The following ZNF251 variants were observed in gnomAD, a reference collection of about 807,000 sequenced individuals.
ZNF251 encodes zinc finger protein 251.
ZNF251 carries 14 observed loss-of-function variants against 13.5 expected under a neutral mutation model. The ratio of observed to expected loss-of-function variants is 1.04; its 90% confidence interval spans 0.69 to 1.63. ZNF251 has a LOEUF of 1.63. ZNF251 is among the 40% of genes most tolerant of loss of function. ZNF251 has a pLI of 0.00. For missense variants in ZNF251, 764 were observed against 834.9 expected, an observed-to-expected ratio of 0.92 and a Z score of 1.05; for synonymous variants, 287 against 295.2, an observed-to-expected ratio of 0.97 and a Z score of 0.28.
chr8:144,733,692 G>A (rs933508017), intron 4 of ZNF251, among the ~76,000 whole-genome samples: 9 of 152,184 alleles, frequency 5.9e-5, no homozygotes, highest in South Asian at 2.1e-4. Flanking sequence ...CCAGATCCTC[G>A]CCCTCCATCC....
At position 144,722,454 on chromosome 8, in the gene ZNF251, C is replaced by A; in HGVS notation, c.1206G>T (p.Glu402Asp). The change falls in exon 5 of 5, where the codon GAG (glutamate) becomes GAT (aspartate). Residue 402 changes from glutamate to aspartate, a missense_variant. Physicochemically the swap from Glu to Asp is conservative, Grantham distance 45 (BLOSUM62 2). Coordinates refer to ENST00000292562, the MANE Select transcript of ZNF251 (RefSeq NM_138367.2). This position sits in a 1 kb window ranked among gnomAD's most constrained non-coding sequence, Gnocchi z 4.8. Reference sequence around the variant, plus strand: ...CGCATTCATTACATACATAGGGTTTCTCTCCAGTATGAACCCGATGATGGA... The same window carrying A: ...CGCATTCATTACATACATAGGGTTTATCTCCAGTATGAACCCGATGATGGA... ...LFLHHRVHTG[E>D]KPYVCNECGR... is the part of the protein sequence containing the mutation. 6.2e-7 allele frequency: 1 copy of A among 1,614,076 alleles called. No individual in the cohort carries two copies. The highest frequency in any genetic ancestry group is 1.1e-5 in the South Asian group (1 of 91,086).
intron 4 of ZNF251, among the ~76,000 whole-genome samples, chr8:144,726,194 C>CAAAAA (rs35542133): frequency 3.6e-4 from 19 of 52,160 alleles, no homozygotes; most frequent in South Asian, 1.0e-3. Context: ...GACTCTGTCT[C>CAAAAA]AAAAAAAAAA....
intron 1 of ZNF251, 180 bp from the exon 2 acceptor site, chr8:144,754,983 G>A: frequency 1.4e-6 from 2 of 1,398,652 alleles, no homozygotes; most frequent in African/African-American, 2.9e-5. Context: ...GCCAGAGCCA[G>A]AGCCCGGGGG....
chr8:144,747,520 C>A (rs978117586), intron 4 of ZNF251, among the ~76,000 whole-genome samples: 2 of 152,232 alleles, frequency 1.3e-5, no homozygotes, highest in Non-Finnish European at 2.9e-5. Context: ...CTGGATCTGT[C>A]CATTTACGAT....
chr8:144,734,982 G>A lies in ZNF251; in HGVS notation c.278-11600C>T, dbSNP rs1211160655. Among the ~76,000 whole-genome samples, 9 of 152,068 alleles carry A rather than the reference G, an allele frequency of 5.9e-5. No homozygotes were observed. In the East Asian group the frequency reaches 1.2e-3, roughly 20 times the overall value. ...CCAGCTACTTGGGAGGCTGAGGCAG[G>A]AGAATCACTTGAACCAGGGAGGCAG... On this transcript the variant is annotated intron_variant, in intron 4 of 4. Coordinates refer to ENST00000292562, the MANE Select transcript of ZNF251 (RefSeq NM_138367.2). The surrounding 1 kb of genome is among the most constrained non-coding windows in gnomAD (Gnocchi z 4.4).
chr8:144,724,628 A>G (rs555241610), intron 4 of ZNF251, among the ~76,000 whole-genome samples: 12 of 152,356 alleles, frequency 7.9e-5, no homozygotes, highest in Admixed American at 1.3e-4. Context: ...AATGACTACA[A>G]TGATGCTCGC....
At chr8:144,753,126 C>A (rs112995493) in intron 4 of ZNF251, among the ~76,000 whole-genome samples, 2,981 of 151,084 alleles carry the variant, frequency 0.02, 73 homozygotes, top group African/African-American at 0.064. Flanking sequence ...AAAAAAAAAA[C>A]TAGCCAGGTA....
At chr8:144,744,778 G>A (rs956406716) in intron 4 of ZNF251, among the ~76,000 whole-genome samples, 2 of 152,068 alleles carry the variant, frequency 1.3e-5, no homozygotes, top group African/African-American at 4.8e-5. Context: ...AAATAAGGCC[G>A]GGCGCAGTGG....
chr8:144,732,575 G>A (rs1447686009), intron 4 of ZNF251, among the ~76,000 whole-genome samples: 4 of 152,032 alleles, frequency 2.6e-5, no homozygotes, highest in Non-Finnish European at 5.9e-5. Flanking sequence ...CACTTGGGGA[G>A]GCCAAGGCGG....
At position 144,721,644 on chromosome 8, in the gene ZNF251, T is replaced by C; in HGVS notation, c.2016A>G (p.Ter672=). The C allele has an allele frequency of 7.4e-7, 1 of 1,342,348 alleles. No individual in the cohort carries two copies. Among genetic ancestry groups the C allele is most frequent in the Non-Finnish European group, 9.6e-7 (1 of 1,037,048 alleles). The allele number at this position is 1,342,348 out of a possible 1,614,324, so 83.2% of individuals were successfully genotyped here. The change falls in exon 5 of 5, where the codon TAA becomes TAG. Residue 672 remains the stop codon, a stop_retained_variant. Coordinates refer to ENST00000292562, the MANE Select transcript of ZNF251 (RefSeq NM_138367.2). ...IKKIFQERHF[*] Reference sequence around the variant, plus strand: ...TAAACTGTCTTCTGCATTTATCACATTAAAAATGTCTTTCTTGGAAAATCT... The same window carrying C: ...TAAACTGTCTTCTGCATTTATCACACTAAAAATGTCTTTCTTGGAAAATCT...
chr8:144,724,123 A>C (rs1823449375), intron 4 of ZNF251, among the ~76,000 whole-genome samples: 3 of 152,102 alleles, frequency 2.0e-5, no homozygotes, highest in Admixed American at 1.3e-4. Flanking sequence ...AGGCGCCCGT[A>C]GTCCCAGCTA....
chr8:144,746,201 G>C (rs1228682430), intron 4 of ZNF251, among the ~76,000 whole-genome samples: 2 of 152,190 alleles, frequency 1.3e-5, no homozygotes, highest in Non-Finnish European at 2.9e-5. Flanking sequence ...CATGAATCGA[G>C]GTTGGATTTT....
chr8:144,746,361 T>C (rs1237063962), intron 4 of ZNF251, among the ~76,000 whole-genome samples: 1 of 152,228 alleles, frequency 6.6e-6, no homozygotes, highest in Non-Finnish European at 1.5e-5. Context: ...GGTATATAAT[T>C]CTTTTTATAC....
At chr8:144,729,045 G>GC (rs1194111342) in intron 4 of ZNF251, among the ~76,000 whole-genome samples, 1 of 138,386 alleles carries the variant, frequency 7.2e-6, no homozygotes, top group African/African-American at 2.7e-5. Context: ...CTGAGATCGC[G>GC]CCATTGCACT....
rs183109025 is a variant in ZNF251, at chr8:144,730,003, G to A, written c.278-6621C>T. The stretch of plus-strand genomic sequence containing the variant: ...GCTGAGCCCACCCAGGGCTGGCGTT[G>A]TTCCCAGGAGCGGGTGCCCTCACCC... On this transcript the variant is annotated intron_variant, in intron 4 of 4. Transcript: ENST00000292562. 835 of 981,896 alleles carry A rather than the reference G, an allele frequency of 8.5e-4. 5 individuals are homozygous for A. In the African/African-American group the frequency reaches 0.013, roughly 15 times the overall value. 60.8% of individuals were successfully genotyped at this position (981,896 alleles called of 1,614,324 possible).
rs1823390374 is a variant in ZNF251 at position 144,722,239 on chromosome 8, G to A, written c.1421C>T (p.Ser474Phe). ...VECGKAFSQS[S>F]QLTLHQRVHT... ...AACTCGCTGATGTAGGGTGAGCTGGGAGCTCTGGCTGAAAGCTTTCCCACA... is the reference window on the plus strand; with the variant it reads ...AACTCGCTGATGTAGGGTGAGCTGGAAGCTCTGGCTGAAAGCTTTCCCACA... The change falls in exon 5 of 5, where the codon TCC becomes TTC. Residue 474 changes from serine to phenylalanine, a missense_variant. Coordinates refer to ENST00000292562, the MANE Select transcript of ZNF251 (RefSeq NM_138367.2). This position sits in a 1 kb window ranked among gnomAD's most constrained non-coding sequence, Gnocchi z 4.8. 1 of 1,614,016 alleles carries A rather than the reference G, an allele frequency of 6.2e-7. No individual in the cohort carries two copies. The highest frequency in any genetic ancestry group is 1.3e-5 in the African/African-American group (1 of 74,968).
chr8:144,754,105 C>T, intron 3 of ZNF251, 87 bp downstream of exon 3: 2 of 1,516,600 alleles, frequency 1.3e-6, no homozygotes, highest in Non-Finnish European at 1.8e-6. Context: ...GCAGGACCCT[C>T]TTCTTTGGGA....
chr8:144,755,407 G>A lies in ZNF251; in HGVS notation c.-78C>T, dbSNP rs371430652. On this transcript the variant is annotated splice_region_variant and 5_prime_UTR_variant, in exon 1 of 5. Coordinates refer to ENST00000292562, the MANE Select transcript of ZNF251 (RefSeq NM_138367.2). ...TTCCTGGTCCGACACTGCCCCACCT[G>A]TTTGCTCGACCCGGGGAAGCCACCG... The A allele has an allele frequency of 2.3e-6, 3 of 1,288,408 alleles. No homozygotes were observed. In the South Asian group the frequency reaches 3.7e-5, roughly 16 times the overall value. The allele number at this position is 1,288,408 out of a possible 1,614,324, so 79.8% of individuals were successfully genotyped here.
At chr8:144,752,736 A>G (rs1417542420) in intron 4 of ZNF251, among the ~76,000 whole-genome samples, 2 of 152,226 alleles carry the variant, frequency 1.3e-5, no homozygotes, top group African/African-American at 2.4e-5. Context: ...ATAAACAATT[A>G]TTAATAACAT....
Sources: allele counts gnomAD v4.1 joint callset (sites outside exome capture counted in the v4.1 genomes callset), GRCh38; gene constraint gnomAD v4.1.1; non-coding constraint Gnocchi (gnomAD v3.1); transcripts MANE v1.5; gene names NCBI Gene and HGNC (gene_info 2026-07-23, HGNC 2026-07-21).